The following KIAA1549L variants were observed in gnomAD, a reference collection of about 807,000 sequenced individuals.
KIAA1549L encodes the protein KIAA1549 like, also known as UPF0606 protein KIAA1549L.
KIAA1549L carries 88 observed loss-of-function variants against 160.7 expected under a neutral mutation model. That is an observed-to-expected ratio of 0.55 (90% CI 0.46 to 0.65). The LOEUF is 0.65. KIAA1549L is among the 30% of genes least tolerant of loss of function. The pLI, the probability that KIAA1549L is intolerant of heterozygous loss-of-function variation, is 0.00. For missense variants in KIAA1549L, 2,258 were observed against 2,437.5 expected, an observed-to-expected ratio of 0.93 and a Z score of 1.55; for synonymous variants, 950 against 976.7, an observed-to-expected ratio of 0.97 and a Z score of 0.51.
chr11:33,514,949 G>A (rs139962613), intron 1 of KIAA1549L, among the ~76,000 whole-genome samples: 16 of 152,270 alleles, frequency 1.1e-4, no homozygotes, highest in Non-Finnish European at 1.5e-4. Flanking sequence ...GCATAAAATT[G>A]ATATTTTAGT....
intron 1 of KIAA1549L, among the ~76,000 whole-genome samples, chr11:33,523,040 T>C (rs1853532850): frequency 6.6e-6 from 1 of 152,222 alleles, no homozygotes; most frequent in African/African-American, 2.4e-5. Context: ...ATCTGAAATA[T>C]GACAAAAGCA....
intron 1 of KIAA1549L, among the ~76,000 whole-genome samples, chr11:33,405,619 G>A (rs989672459): frequency 4.0e-5 from 6 of 151,044 alleles, no homozygotes; most frequent in African/African-American, 1.2e-4. Context: ...CGAGGTGGGT[G>A]GATCACAAGG....
intron 12 of KIAA1549L, among the ~76,000 whole-genome samples, chr11:33,596,657 C>T (rs1445342515): frequency 2.6e-5 from 4 of 152,132 alleles, no homozygotes; most frequent in African/African-American, 7.2e-5. Context: ...GAGAATCACT[C>T]GAACTCGGGA....
intron 16 of KIAA1549L, among the ~76,000 whole-genome samples, chr11:33,639,517 A>G (rs1215140777): frequency 6.6e-6 from 1 of 152,144 alleles, no homozygotes; most frequent in Non-Finnish European, 1.5e-5. Context: ...GGATAAACTC[A>G]TGATTATATG....
At chr11:33,602,096 G>T (rs1167591631) in intron 13 of KIAA1549L, among the ~76,000 whole-genome samples, 1 of 152,178 alleles carries the variant, frequency 6.6e-6, no homozygotes, top group Non-Finnish European at 1.5e-5. Flanking sequence ...AAGTCATTTG[G>T]AAGCAAACAA....
intron 1 of KIAA1549L, among the ~76,000 whole-genome samples, chr11:33,454,755 A>G (rs117550478): frequency 0.01 from 1,595 of 152,310 alleles, 7 homozygotes; most frequent in South Asian, 0.039. Flanking sequence ...CAAAGGAGAA[A>G]TAAGATGAAA....
At chr11:33,581,780 CT>C (rs1214567902) in intron 10 of KIAA1549L, among the ~76,000 whole-genome samples, 1 of 152,182 alleles carries the variant, frequency 6.6e-6, no homozygotes, top group Non-Finnish European at 1.5e-5. Flanking sequence ...GTTGACCTAA[CT>C]TTACTCTTGT....
In KIAA1549L at chr11:33,402,065, G is replaced by T. The variant is rs180680432; in HGVS notation, c.238+25176G>T. Among the ~76,000 whole-genome samples, 2 of 152,248 alleles carry T rather than the reference G, an allele frequency of 1.3e-5. 1 individual carries two copies. The highest frequency in any genetic ancestry group is 3.9e-4 in the East Asian group (2 of 5,176). ...TTCTCGTCTTCTAGCTTACAGCATC[G>T]AGGGGTCAGTGACTCACAATGTTAC... On this transcript the variant is annotated intron_variant, in intron 1 of 20. Coordinates refer to ENST00000658780, the MANE Select transcript of KIAA1549L (RefSeq NM_012194.3).
chr11:33,453,821 C>T (rs190727173), intron 1 of KIAA1549L, among the ~76,000 whole-genome samples: 1 of 152,244 alleles, frequency 6.6e-6, no homozygotes, highest in Non-Finnish European at 1.5e-5. Context: ...TTTAATTATG[C>T]CTGAGCTCTG....
At chr11:33,400,555 T>TAG (rs1358327714) in intron 1 of KIAA1549L, among the ~76,000 whole-genome samples, 1 of 152,204 alleles carries the variant, frequency 6.6e-6, no homozygotes, top group African/African-American at 2.4e-5. Context: ...GAGCAGGTCT[T>TAG]AGAGAATCAT....
chr11:33,631,491 G>A (rs564226424), intron 16 of KIAA1549L, among the ~76,000 whole-genome samples: 72 of 152,262 alleles, frequency 4.7e-4, no homozygotes, highest in African/African-American at 1.6e-3. Context: ...TGTCCTGTAC[G>A]TTACAGGGTT....
Position 33,615,335 on chromosome 11 carries a change from A to G in KIAA1549L, c.5280-3198A>G, listed in dbSNP as rs571008824. Among the ~76,000 whole-genome samples the G allele has an allele frequency of 2.2e-4, 34 of 152,322 alleles. 1 individual carries two copies. The South Asian group carries it at 7.0e-3, about 32-fold the overall frequency. On this transcript the variant is annotated intron_variant, in intron 15 of 20. Coordinates refer to ENST00000658780, the MANE Select transcript of KIAA1549L (RefSeq NM_012194.3). ...TTTGAGAGTTACTTTCTTAAACTGT[A>G]TTGGGATTAACCAGCAAGTAAAACT...
intron 1 of KIAA1549L, among the ~76,000 whole-genome samples, chr11:33,490,140 C>G (rs1163901315): frequency 6.6e-6 from 1 of 152,028 alleles, no homozygotes; most frequent in Non-Finnish European, 1.5e-5. Flanking sequence ...CGTATCTTCC[C>G]ATGGCAAATC....
chr11:33,389,559 AT>A (rs1017939609), intron 1 of KIAA1549L, among the ~76,000 whole-genome samples: 4 of 152,280 alleles, frequency 2.6e-5, no homozygotes, highest in Admixed American at 2.6e-4. Context: ...TTATTATCTT[AT>A]TAATACTGGA....
In KIAA1549L at chr11:33,598,917, G is replaced by A. The variant is rs373071758; in HGVS notation, c.4849G>A (p.Val1617Met). Reference sequence around the variant, plus strand: ...CCAGAATGTAATGGCACAGCAGAAAGTGACAAAGGAGGAGGCAAGGAAGAG... The same window carrying A: ...CCAGAATGTAATGGCACAGCAGAAAATGACAAAGGAGGAGGCAAGGAAGAG... ...SPQNVMAQQK[V>M]TKEEARKRNV... Residue 1617 changes from valine (V) to methionine (M), a missense_variant, in exon 13 of 21, where the codon GTG becomes ATG. Coordinates refer to ENST00000658780, the MANE Select transcript of KIAA1549L (RefSeq NM_012194.3). 4.6e-5 allele frequency: 75 copies of A among 1,613,690 alleles called. No individual in the cohort carries two copies. The highest frequency in any genetic ancestry group is 5.1e-5 in the Non-Finnish European group (60 of 1,179,836).
intron 17 of KIAA1549L, among the ~76,000 whole-genome samples, chr11:33,649,527 A>AAAAT (rs142155575): frequency 7.0e-6 from 1 of 142,188 alleles, no homozygotes. Flanking sequence ...AAAAAAAAAA[A>AAAAT]GAAGCAGCAG....
intron 1 of KIAA1549L, among the ~76,000 whole-genome samples, chr11:33,429,466 G>A (rs1851187339): frequency 6.6e-6 from 1 of 152,074 alleles, no homozygotes; most frequent in South Asian, 2.1e-4. Flanking sequence ...TCTTATCGAG[G>A]TCACCAGTGA....
chr11:33,532,457 A>G (rs1206022538), intron 1 of KIAA1549L, among the ~76,000 whole-genome samples: 1 of 152,202 alleles, frequency 6.6e-6, no homozygotes, highest in Non-Finnish European at 1.5e-5. Context: ...TATTCTAAGG[A>G]CTTTACGCGT....
At chr11:33,661,608 C>T (rs1354169046) in intron 20 of KIAA1549L, among the ~76,000 whole-genome samples, 1 of 152,226 alleles carries the variant, frequency 6.6e-6, no homozygotes, top group African/African-American at 2.4e-5. Flanking sequence ...GGCTGGGTGC[C>T]GTGGCTTATG....
Sources: allele counts gnomAD v4.1 joint callset (sites outside exome capture counted in the v4.1 genomes callset), GRCh38; gene constraint gnomAD v4.1.1; transcripts MANE v1.5; gene names NCBI Gene and HGNC (gene_info 2026-07-23, HGNC 2026-07-21).